Variants in SLC8A1 observed in about 807,000 individuals in gnomAD.
SLC8A1 encodes sodium/calcium exchanger 1.
A neutral mutation model predicts 68.3 loss-of-function variants in SLC8A1; 18 were observed. The ratio of observed to expected loss-of-function variants is 0.26; its 90% CI spans 0.18 to 0.39. SLC8A1 has a LOEUF of 0.39. Ranked by LOEUF, SLC8A1 falls within the 10% of genes least tolerant of loss-of-function variation. The pLI, the probability that SLC8A1 is intolerant of heterozygous loss-of-function variation, is 1.00. For synonymous variants in SLC8A1, 475 were observed against 415.5 expected (o/e 1.14, Z -1.74); for missense variants, 985 against 1,156.7 (o/e 0.85, Z 2.15).
chr2:40,489,963 G>A (rs1559766443), intron 1 of SLC8A1, among the ~76,000 whole-genome samples: 1 of 152,048 alleles, frequency 6.6e-6, no homozygotes, highest in Non-Finnish European at 1.5e-5. Flanking sequence ...ACATTCACTT[G>A]ATGATACACT....
intron 2 of SLC8A1, among the ~76,000 whole-genome samples, chr2:40,422,101 G>T (rs1475989936): frequency 6.6e-6 from 1 of 152,038 alleles, no homozygotes; most frequent in African/African-American, 2.4e-5. Flanking sequence ...ACCCAAGGCA[G>T]TTACGAAGAT....
At chr2:40,284,934 G>A (rs1325546616) in intron 2 of SLC8A1, among the ~76,000 whole-genome samples, 6 of 152,016 alleles carry the variant, frequency 3.9e-5, no homozygotes. Context: ...ATCTGAGCAG[G>A]CACTCTCATG....
intron 2 of SLC8A1, among the ~76,000 whole-genome samples, chr2:40,343,272 C>T (rs1668273250): frequency 6.6e-6 from 1 of 152,060 alleles, no homozygotes; most frequent in African/African-American, 2.4e-5. Flanking sequence ...TAGGATAACT[C>T]ACTTCCACCT....
At chr2:40,200,190 ATTTATATATATATATAAATAT>A (rs2053916728) in intron 2 of SLC8A1, among the ~76,000 whole-genome samples, 1 of 16,482 alleles carries the variant, frequency 6.1e-5, no homozygotes, top group East Asian at 1.0e-3. Flanking sequence ...ATATATATAT[ATTTATATATATATATAAATAT>A]ATATATATTT....
chr2:40,405,215 A>T (rs1192948206), intron 2 of SLC8A1, among the ~76,000 whole-genome samples: 2 of 152,176 alleles, frequency 1.3e-5, no homozygotes, highest in African/African-American at 4.8e-5. Context: ...TCAGAACATA[A>T]ATGAATCCCA....
intron 2 of SLC8A1, among the ~76,000 whole-genome samples, chr2:40,234,512 G>A (rs866688915): frequency 9.9e-5 from 15 of 152,122 alleles, no homozygotes; most frequent in Middle Eastern, 3.4e-3. Flanking sequence ...GAGACAATGG[G>A]GTTTTCTAGA....
At chr2:40,135,759 C>G (rs1449045579) in intron 7 of SLC8A1, among the ~76,000 whole-genome samples, 1 of 151,868 alleles carries the variant, frequency 6.6e-6, no homozygotes, top group Non-Finnish European at 1.5e-5. Flanking sequence ...ATCTGTAGGA[C>G]CTTTGACCAT....
chr2:40,362,127 T>C (rs1674813712), intron 2 of SLC8A1, among the ~76,000 whole-genome samples: 1 of 151,910 alleles, frequency 6.6e-6, no homozygotes, highest in South Asian at 2.1e-4. Context: ...ACTCCTGGAC[T>C]CAAGTAATCC....
At chr2:40,504,714 T>C (rs530664133) in intron 1 of SLC8A1, among the ~76,000 whole-genome samples, 1 of 152,126 alleles carries the variant, frequency 6.6e-6, no homozygotes, top group Admixed American at 6.6e-5. Context: ...GAAAATGTGC[T>C]CAACACCACT....
At chr2:40,118,609 T>TTTG (rs1306016633) in intron 7 of SLC8A1, 1 of 26,680 alleles carries the variant, frequency 3.7e-5, no homozygotes. Context: ...AAAAGGAAGT[T>TTTG]TTTTTTTTTT....
chr2:40,402,509 T>C (rs1028175718), intron 2 of SLC8A1, among the ~76,000 whole-genome samples: 5 of 152,222 alleles, frequency 3.3e-5, no homozygotes, highest in Admixed American at 6.5e-5. Flanking sequence ...CCCCGAATTC[T>C]TTCTTGCACA....
At chr2:40,116,777 C>T (rs1260277119) in intron 7 of SLC8A1, 2 of 152,152 alleles carry the variant, frequency 1.3e-5, no homozygotes, top group African/African-American at 2.4e-5. Flanking sequence ...ATTTTCAAAG[C>T]CCTTTATTTA....
chr2:40,466,471 T>A (rs1260099834), intron 1 of SLC8A1, among the ~76,000 whole-genome samples: 1 of 152,202 alleles, frequency 6.6e-6, no homozygotes, highest in Non-Finnish European at 1.5e-5. Flanking sequence ...GTCAGCTGCC[T>A]GCCATAAGTC....
At chr2:40,290,586 A>G (rs1449822913) in intron 2 of SLC8A1, among the ~76,000 whole-genome samples, 2 of 152,198 alleles carry the variant, frequency 1.3e-5, no homozygotes, top group Non-Finnish European at 2.9e-5. Context: ...TAAATACTCA[A>G]AAAGAGAATT....
At chr2:40,245,339 C>G (rs2061725701) in intron 2 of SLC8A1, among the ~76,000 whole-genome samples, 1 of 128,712 alleles carries the variant, frequency 7.8e-6, no homozygotes, top group South Asian at 2.2e-4. Context: ...CGTAGTCACA[C>G]TGATTGTCCG....
chr2:40,415,738 G>T (rs1216983264), intron 2 of SLC8A1, among the ~76,000 whole-genome samples: 1 of 151,928 alleles, frequency 6.6e-6, no homozygotes, highest in Non-Finnish European at 1.5e-5. Context: ...AGCACTTTGG[G>T]AGGCCGAGGT....
chr2:40,379,516 T>TCC (rs1278886634), intron 2 of SLC8A1, among the ~76,000 whole-genome samples: 2 of 152,044 alleles, frequency 1.3e-5, no homozygotes, highest in Admixed American at 1.3e-4. Flanking sequence ...CTCAAAAGTG[T>TCC]CCCCCATGAA....
intron 2 of SLC8A1, among the ~76,000 whole-genome samples, chr2:40,343,094 C>G (rs1668218393): frequency 6.6e-6 from 1 of 151,190 alleles, no homozygotes; most frequent in Non-Finnish European, 1.5e-5. Context: ...GGGTGATATT[C>G]TATTAAAAAA....
chr2:40,390,835 T>C (rs1247537470), intron 2 of SLC8A1, among the ~76,000 whole-genome samples: 2 of 152,098 alleles, frequency 1.3e-5, no homozygotes, highest in Non-Finnish European at 2.9e-5. Context: ...GTAGAGTAAA[T>C]TTTTTTAAAA....
Sources: gnomAD v4.1 joint callset for allele counts (sites outside exome capture counted in the v4.1 genomes callset) on GRCh38, gnomAD v4.1.1 for gene constraint, MANE v1.5 for transcripts, NCBI Gene and HGNC (gene_info 2026-07-23, HGNC 2026-07-21) for gene names.